INSYN2B: variants seen among roughly 807,000 people sequenced by gnomAD.
INSYN2B encodes the protein protein INSYN2B.
INSYN2B carries 16 observed loss-of-function variants against 41.2 expected under a neutral mutation model. The observed-to-expected ratio is 0.39, with a 90% CI of 0.26 to 0.59. The LOEUF (loss-of-function observed/expected upper bound fraction) is 0.59. Ranked by LOEUF, INSYN2B falls within the 20% of genes least tolerant of loss-of-function variation. INSYN2B has a pLI of 0.57. For missense variants in INSYN2B, 608 were observed against 646.4 expected, an observed-to-expected ratio of 0.94 and a Z score of 0.64; for synonymous variants, 245 against 244.4, an observed-to-expected ratio of 1.00 and a Z score of -0.02.
chr5:169,863,355 TC>T lies in INSYN2B; in HGVS notation c.*917del, dbSNP rs1175286598. On this transcript the variant is annotated 3_prime_UTR_variant, in exon 4 of 4. Transcript: ENST00000377365. Reference sequence around the variant, plus strand: ...GGATGAGAAACAGTGTTGTGTTTTATCTTAGCCTTATCTATGTTACTCATAA... The same window carrying T: ...GGATGAGAAACAGTGTTGTGTTTTATTTAGCCTTATCTATGTTACTCATAA... Among the ~76,000 whole-genome samples, 1 of 152,242 alleles carries T rather than the reference TC, an allele frequency of 6.6e-6. No homozygotes were observed. Among genetic ancestry groups the T allele is most frequent in the Non-Finnish European group, 1.5e-5 (1 of 68,046 alleles).
At chr5:169,907,136 T>A (rs1774327261) in intron 1 of INSYN2B, among the ~76,000 whole-genome samples, 3 of 152,170 alleles carry the variant, frequency 2.0e-5, no homozygotes, top group Non-Finnish European at 4.4e-5. Flanking sequence ...TGGCCGGGGA[T>A]GCATCTGGGA....
intron 1 of INSYN2B, among the ~76,000 whole-genome samples, chr5:169,911,213 T>A (rs1339017270): frequency 1.3e-5 from 2 of 152,176 alleles, no homozygotes; most frequent in Non-Finnish European, 2.9e-5. Context: ...TGTGCTGTGC[T>A]TTGAAACAGA....
intron 1 of INSYN2B, among the ~76,000 whole-genome samples, chr5:169,907,973 T>C (rs1305759521): frequency 6.6e-6 from 1 of 152,250 alleles, no homozygotes; most frequent in Non-Finnish European, 1.5e-5. Flanking sequence ...TTGTACAATA[T>C]TCCCAGTCTC....
At chr5:169,926,819 G>A (rs895672758) in intron 1 of INSYN2B, among the ~76,000 whole-genome samples, 2 of 152,180 alleles carry the variant, frequency 1.3e-5, no homozygotes, top group African/African-American at 4.8e-5. Flanking sequence ...AGGCACTGCA[G>A]TGGAAACACA....
intron 1 of INSYN2B, among the ~76,000 whole-genome samples, chr5:169,938,231 T>A (rs186890053): frequency 1.3e-5 from 2 of 152,182 alleles, no homozygotes; most frequent in Admixed American, 1.3e-4. Context: ...TCTTCTTTTT[T>A]TTTTTTTTAG....
At chr5:169,895,515 G>T (rs892434561) in intron 1 of INSYN2B, among the ~76,000 whole-genome samples, 2 of 152,062 alleles carry the variant, frequency 1.3e-5, no homozygotes, top group African/African-American at 4.8e-5. Flanking sequence ...GCAGCCAGCA[G>T]CCAGCATTCA....
At chr5:169,959,996 T>A (rs189324896) in intron 1 of INSYN2B, among the ~76,000 whole-genome samples, 2 of 152,362 alleles carry the variant, frequency 1.3e-5, no homozygotes, top group Admixed American at 1.3e-4. Flanking sequence ...TTCGACCATG[T>A]AAAGCTAGAT....
intron 1 of INSYN2B, among the ~76,000 whole-genome samples, chr5:169,920,360 C>T (rs1438174684): frequency 6.6e-6 from 1 of 152,156 alleles, no homozygotes; most frequent in Non-Finnish European, 1.5e-5. Flanking sequence ...ACTTTGATTT[C>T]AGAAACACCA....
intron 1 of INSYN2B, among the ~76,000 whole-genome samples, chr5:169,926,110 G>A (rs1175761243): frequency 6.6e-6 from 1 of 152,136 alleles, no homozygotes; most frequent in Non-Finnish European, 1.5e-5. Context: ...GGGATGCTGT[G>A]GGAAAACATA....
At chr5:169,912,412 C>T (rs370318259) in intron 1 of INSYN2B, among the ~76,000 whole-genome samples, 8 of 152,058 alleles carry the variant, frequency 5.3e-5, no homozygotes, top group South Asian at 2.1e-4. Context: ...GCTCTACTTG[C>T]GAAGGGTCTT....
chr5:169,863,503 C>T lies in INSYN2B; in HGVS notation c.*770G>A, dbSNP rs1039671847. The stretch of plus-strand genomic sequence containing the variant: ...ACCCATTTGCCAGGTGGTCTCAGGC[C>T]CTAGGCAGAGAAGAAGCATGATGGT... On this transcript the variant is annotated 3_prime_UTR_variant, in exon 4 of 4. Transcript: ENST00000377365. 1.3e-5 allele frequency among the ~76,000 whole-genome samples: 2 copies of T among 152,260 alleles called. No individual in the cohort carries two copies. Among genetic ancestry groups the T allele is most frequent in the Admixed American group, 1.3e-4 (2 of 15,292 alleles).
At chr5:169,892,244 C>A (rs1274777414) in intron 1 of INSYN2B, among the ~76,000 whole-genome samples, 1 of 152,046 alleles carries the variant, frequency 6.6e-6, no homozygotes, top group African/African-American at 2.4e-5. Context: ...TGAAGACAAC[C>A]CCCCTCATTA....
chr5:169,922,029 A>G (rs1179249075), intron 1 of INSYN2B, among the ~76,000 whole-genome samples: 1 of 152,186 alleles, frequency 6.6e-6, no homozygotes, highest in East Asian at 1.9e-4. Flanking sequence ...TTATTTTAAG[A>G]GCTTTTCCAT....
intron 1 of INSYN2B, among the ~76,000 whole-genome samples, chr5:169,902,099 C>T (rs569022993): frequency 5.2e-4 from 79 of 152,270 alleles, no homozygotes; most frequent in African/African-American, 1.9e-3. Flanking sequence ...AATGAGGCTG[C>T]ATCTTGATCT....
In INSYN2B at chr5:169,883,846, A is replaced by G; in HGVS notation, c.53T>C (p.Leu18Pro). The G allele has an allele frequency of 6.5e-7, 1 of 1,541,674 alleles. No homozygotes were observed. Among genetic ancestry groups the G allele is most frequent in the South Asian group, 1.2e-5 (1 of 82,580 alleles). The change falls in exon 2 of 4, where the codon CTA becomes CCA. Residue 18 changes from leucine (L) to proline (P), a missense_variant. By Grantham distance (98) the Leu-to-Pro change is moderately conservative. Transcript: ENST00000377365. ...VRPVLLKRNS[L>P]ESVEFVKQPH... is the part of the protein sequence containing the mutation. Reference sequence around the variant, plus strand: ...TTGTTTCACAAACTCCACTGATTCTAGACTGTTACGCTTTAGAAGCACAGG... The same window carrying G: ...TTGTTTCACAAACTCCACTGATTCTGGACTGTTACGCTTTAGAAGCACAGG...
Position 169,864,474 on chromosome 5 carries a change from G to C in INSYN2B, c.1422-15C>G. ...CATACTCTACACTGAAAAACACAGAGAGGAAGGAAGGAAAGTGAATTCGAA... is the reference window on the plus strand; with the variant it reads ...CATACTCTACACTGAAAAACACAGACAGGAAGGAAGGAAAGTGAATTCGAA... On this transcript the variant is annotated splice_polypyrimidine_tract_variant and intron_variant, in intron 3 of 3. Coordinates refer to ENST00000377365, the MANE Select transcript of INSYN2B (RefSeq NM_001129891.3). 1.4e-5 allele frequency: 21 copies of C among 1,507,816 alleles called. No homozygotes were observed. Among genetic ancestry groups the C allele is most frequent in the Non-Finnish European group, 1.9e-5 (21 of 1,126,284 alleles). The allele number at this position is 1,507,816 out of a possible 1,614,324, so 93.4% of individuals were successfully genotyped here.
intron 3 of INSYN2B, among the ~76,000 whole-genome samples, chr5:169,869,834 G>GA (rs1245573704): frequency 6.6e-6 from 1 of 152,166 alleles, no homozygotes; most frequent in African/African-American, 2.4e-5. Flanking sequence ...CGCTTTCACT[G>GA]CTTCCACCTA....
chr5:169,872,055 A>C (rs974761972), intron 3 of INSYN2B, among the ~76,000 whole-genome samples: 76 of 152,258 alleles, frequency 5.0e-4, no homozygotes, highest in African/African-American at 1.8e-3. Flanking sequence ...CACTGCCATC[A>C]ACTACACTCT....
intron 1 of INSYN2B, among the ~76,000 whole-genome samples, chr5:169,958,149 TCAA>T (rs1357913750): frequency 1.4e-4 from 22 of 152,116 alleles, no homozygotes; most frequent in Non-Finnish European, 2.9e-4. Context: ...ACAGTCTTTG[TCAA>T]CTTGATTATC....
Sources: gnomAD v4.1 joint callset for allele counts (sites outside exome capture counted in the v4.1 genomes callset) on GRCh38, gnomAD v4.1.1 for gene constraint, MANE v1.5 for transcripts, NCBI Gene and HGNC (gene_info 2026-07-23, HGNC 2026-07-21) for gene names.